BBS9: variants seen among roughly 807,000 people sequenced by gnomAD.
BBS9 encodes the protein Bardet-Biedl syndrome 9.
BBS9 carries 89 observed loss-of-function variants against 117.7 expected under a neutral mutation model. That is an observed-to-expected ratio of 0.76 (90% CI 0.64 to 0.90). The LOEUF (loss-of-function observed/expected upper bound fraction) is 0.90. Among genes scored for constraint, BBS9 ranks in the 40% least tolerant of loss-of-function variants. The probability of loss-of-function intolerance (pLI) is 0.00; values close to 1 mark genes in which losing one functional copy is unlikely to be tolerated. For missense variants in BBS9, 982 were observed against 1,042.2 expected (o/e 0.94, Z 0.80); for synonymous variants, 379 against 370.9 (o/e 1.02, Z -0.25).
At chr7:33,165,460 G>A (rs1023296754) in intron 4 of BBS9, among the ~76,000 whole-genome samples, 3 of 151,786 alleles carry the variant, frequency 2.0e-5, no homozygotes, top group Non-Finnish European at 2.9e-5. Context: ...TCACTTTCAG[G>A]TACACCAGTC....
chr7:33,139,670 C>T (rs1791130161), intron 1 of BBS9, among the ~76,000 whole-genome samples: 1 of 151,508 alleles, frequency 6.6e-6, no homozygotes, highest in South Asian at 2.1e-4. Flanking sequence ...AGGCAGGCCC[C>T]ATGAAGTTTT....
chr7:33,196,572 G>A (rs182200000), intron 5 of BBS9, among the ~76,000 whole-genome samples: 1 of 152,256 alleles, frequency 6.6e-6, no homozygotes, highest in East Asian at 1.9e-4. Context: ...TGAACCATAT[G>A]GCCCTTATTT....
At chr7:33,190,211 C>G (rs1211345431) in intron 5 of BBS9, among the ~76,000 whole-genome samples, 1 of 151,436 alleles carries the variant, frequency 6.6e-6, no homozygotes, top group Non-Finnish European at 1.5e-5. Flanking sequence ...GCTCCGCCTC[C>G]CGGGTTCACG....
intron 21 of BBS9, among the ~76,000 whole-genome samples, chr7:33,582,549 T>C (rs199964152): frequency 0.021 from 3,158 of 149,958 alleles, 43 homozygotes; most frequent in East Asian, 0.048. Flanking sequence ...CACACACACA[T>C]ACACACACTG....
At chr7:33,322,174 G>A (rs1191026211) in intron 9 of BBS9, among the ~76,000 whole-genome samples, 1 of 151,846 alleles carries the variant, frequency 6.6e-6, no homozygotes, top group African/African-American at 2.4e-5. Flanking sequence ...TTATTGGCCT[G>A]TAATTTTCTG....
chr7:33,502,701 A>G (rs1845616631), intron 19 of BBS9, among the ~76,000 whole-genome samples: 1 of 152,040 alleles, frequency 6.6e-6, no homozygotes, highest in African/African-American at 2.4e-5. Context: ...CTTCCTTCCT[A>G]AGGCCCCCTA....
rs371921770 is a variant in BBS9 at position 33,623,571 on chromosome 7, C to T, written c.2522-11606C>T. ...TTGCCCAATAGGAATTTTGAGAATG[C>T]TCATAAAAGCATGATTAAAAAAAAG... On this transcript the variant is annotated intron_variant, in intron 21 of 21. Coordinates refer to the BBS9 transcript ENST00000671952. Among the ~76,000 whole-genome samples the T allele has an allele frequency of 2.4e-3, 342 of 142,194 alleles. 2 individuals are homozygous for T. The highest frequency in any genetic ancestry group is 8.6e-3 in the African/African-American group (323 of 37,706). 93.3% of individuals were successfully genotyped at this position (142,194 alleles called of 152,430 possible).
At chr7:33,556,637 GACATATGAGCTATTCACATTTGAAGA>G (rs1252198388) in intron 21 of BBS9, among the ~76,000 whole-genome samples, 1 of 152,190 alleles carries the variant, frequency 6.6e-6, no homozygotes, top group Non-Finnish European at 1.5e-5. Flanking sequence ...ATAATGGGAT[GACATATGAGCTATTCACATTTGAAGA>G]CCTGGCACTA....
At chr7:33,608,015 T>C (rs1174455015), downstream of BBS9, among the ~76,000 whole-genome samples, 1 of 151,960 alleles carries the variant, frequency 6.6e-6, no homozygotes, top group East Asian at 1.9e-4. Context: ...CTAAGCATAG[T>C]ACCCAATAGC....
chr7:33,461,569 G>T (rs759514306), intron 19 of BBS9, among the ~76,000 whole-genome samples: 1 of 151,600 alleles, frequency 6.6e-6, no homozygotes, highest in Non-Finnish European at 1.5e-5. Flanking sequence ...CTAGTCTTCC[G>T]CTCTAAGACA....
chr7:33,355,450 G>GT (rs939068588), intron 15 of BBS9, among the ~76,000 whole-genome samples: 37 of 151,776 alleles, frequency 2.4e-4, no homozygotes, highest in Admixed American at 2.0e-3. Context: ...CTGTAGACTG[G>GT]TTTTTTTAAA....
Position 33,281,026 on chromosome 7 carries a change from A to G in BBS9, c.1016+7070A>G, listed in dbSNP as rs112469025. ...TTCTTACATTCCACAGAAAATTCATAAATATTTCTGGAATTTATGTAAGGT... is the reference window on the plus strand; with the variant it reads ...TTCTTACATTCCACAGAAAATTCATGAATATTTCTGGAATTTATGTAAGGT... On this transcript the variant is annotated intron_variant, in intron 9 of 22. Transcript: ENST00000242067. Among the ~76,000 whole-genome samples the G allele has an allele frequency of 1.3e-4, 19 of 151,098 alleles. 1 individual carries two copies. The highest frequency in any genetic ancestry group is 4.6e-4 in the African/African-American group (19 of 41,330).
chr7:33,366,484 G>A (rs1286483989), intron 16 of BBS9, among the ~76,000 whole-genome samples: 1 of 149,796 alleles, frequency 6.7e-6, no homozygotes, highest in Non-Finnish European at 1.5e-5. Flanking sequence ...TTACCATCTT[G>A]GTGACATCCT....
At chr7:33,233,104 G>C (rs865946054) in intron 5 of BBS9, among the ~76,000 whole-genome samples, 3 of 152,028 alleles carry the variant, frequency 2.0e-5, no homozygotes, top group South Asian at 2.1e-4. Flanking sequence ...AAATAGGGGG[G>C]GTTGAGAAAT....
At chr7:33,541,459 CTG>C (rs1283847727) in intron 21 of BBS9, among the ~76,000 whole-genome samples, 1 of 152,170 alleles carries the variant, frequency 6.6e-6, no homozygotes, top group Non-Finnish European at 1.5e-5. Context: ...TCATTCATCT[CTG>C]TGTTAATATT....
At chr7:33,547,477 C>T (rs1290161571) in intron 21 of BBS9, among the ~76,000 whole-genome samples, 1 of 152,054 alleles carries the variant, frequency 6.6e-6, no homozygotes, top group Non-Finnish European at 1.5e-5. Context: ...ATAAAGTTAG[C>T]ATTTGAGAAG....
intron 19 of BBS9, among the ~76,000 whole-genome samples, chr7:33,445,246 C>T (rs1163632524): frequency 1.3e-5 from 2 of 152,102 alleles, no homozygotes; most frequent in African/African-American, 2.4e-5. Flanking sequence ...CAAATGCTAG[C>T]GGAGATTGAA....
At chr7:33,524,739 T>G (rs1429572788) in intron 20 of BBS9, among the ~76,000 whole-genome samples, 1 of 152,232 alleles carries the variant, frequency 6.6e-6, no homozygotes, top group Non-Finnish European at 1.5e-5. Flanking sequence ...TTTTTGTGTC[T>G]CTATTTCCTT....
At chr7:33,431,052 A>T (rs1834373393) in intron 19 of BBS9, among the ~76,000 whole-genome samples, 1 of 151,512 alleles carries the variant, frequency 6.6e-6, no homozygotes, top group Non-Finnish European at 1.5e-5. Context: ...AAACTTAGAC[A>T]GGCATGGTGC....
Sources: gnomAD v4.1 joint callset for allele counts (sites outside exome capture counted in the v4.1 genomes callset) on GRCh38, gnomAD v4.1.1 for gene constraint, MANE v1.5 for transcripts, NCBI Gene and HGNC (gene_info 2026-07-23, HGNC 2026-07-21) for gene names.